PHF21B: variants seen among roughly 807,000 people sequenced by gnomAD.
PHF21B encodes the protein PHD finger protein 4.
A neutral mutation model predicts 62.2 loss-of-function variants in PHF21B; 22 were observed. The ratio of observed to expected loss-of-function variants is 0.35; its 90% CI spans 0.25 to 0.51. The LOEUF is 0.51. PHF21B is among the 20% of genes least tolerant of loss of function. The pLI, the probability that PHF21B is intolerant of heterozygous loss-of-function variation, is 0.97. For missense variants in PHF21B, 701 were observed against 707.9 expected (o/e 0.99, Z 0.11); for synonymous variants, 341 against 314.7 (o/e 1.08, Z -0.88).
At chr22:44,921,491 C>T (rs1302668444) in intron 2 of PHF21B, among the ~76,000 whole-genome samples, 8 of 152,002 alleles carry the variant, frequency 5.3e-5, no homozygotes, top group East Asian at 1.9e-4. Context: ...CTCAGCCTCC[C>T]GAGTAGCTGG....
chr22:45,007,943 G>C (rs1485042597), intron 2 of PHF21B, among the ~76,000 whole-genome samples: 1 of 151,972 alleles, frequency 6.6e-6, no homozygotes, highest in Non-Finnish European at 1.5e-5. Flanking sequence ...CGACGCGTGG[G>C]AGCTTCTCAG....
chr22:44,919,035 C>T (rs1174759173), intron 3 of PHF21B, among the ~76,000 whole-genome samples: 1 of 152,188 alleles, frequency 6.6e-6, no homozygotes, highest in East Asian at 1.9e-4. Context: ...CCGTTTCTCA[C>T]CCTGCACCCT....
intron 2 of PHF21B, chr22:44,966,918 C>A (rs1373913316): frequency 6.6e-6 from 1 of 152,242 alleles, no homozygotes; most frequent in Non-Finnish European, 1.5e-5. Context: ...CTCCCACCCC[C>A]CAGCCTCTCC....
chr22:44,887,047 T>G (rs1043447324), intron 10 of PHF21B, among the ~76,000 whole-genome samples: 8 of 151,290 alleles, frequency 5.3e-5, no homozygotes, highest in African/African-American at 1.5e-4. Context: ...TCCCAGCTAC[T>G]TGGGAGGCTG....
intron 12 of PHF21B, among the ~76,000 whole-genome samples, chr22:44,883,728 A>G (rs1601557093): frequency 6.6e-6 from 1 of 152,202 alleles, no homozygotes; most frequent in African/African-American, 2.4e-5. Context: ...CACCACCGCA[A>G]CAAGGAAAAG....
intron 2 of PHF21B, among the ~76,000 whole-genome samples, chr22:45,005,806 T>C (rs1258219683): frequency 6.6e-6 from 1 of 152,160 alleles, no homozygotes; most frequent in African/African-American, 2.4e-5. Context: ...AGCGTTTCCC[T>C]AAGCGACTCT....
intron 5 of PHF21B, among the ~76,000 whole-genome samples, chr22:44,904,998 CTT>C (rs2071223489): frequency 6.6e-6 from 1 of 152,116 alleles, no homozygotes; most frequent in South Asian, 2.1e-4. Flanking sequence ...TGATTTTTCT[CTT>C]TATCTTTGAC....
chr22:44,992,705 C>T (rs1330498454), intron 2 of PHF21B, among the ~76,000 whole-genome samples: 3 of 152,172 alleles, frequency 2.0e-5, no homozygotes, highest in South Asian at 2.1e-4. Flanking sequence ...GACTGAACAG[C>T]GTGTAAAGCA....
At chr22:44,982,563 C>G (rs886352340) in intron 2 of PHF21B, among the ~76,000 whole-genome samples, 1 of 152,208 alleles carries the variant, frequency 6.6e-6, no homozygotes, top group Non-Finnish European at 1.5e-5. Context: ...TAAGCAAACT[C>G]CCCCATGGGC....
chr22:44,950,040 A>G (rs2072162148), intron 2 of PHF21B, among the ~76,000 whole-genome samples: 1 of 152,206 alleles, frequency 6.6e-6, no homozygotes, highest in Non-Finnish European at 1.5e-5. Context: ...CTGAGTAATG[A>G]AACCAGAAAG....
intron 2 of PHF21B, among the ~76,000 whole-genome samples, chr22:44,990,028 C>T (rs971221664): frequency 3.3e-5 from 5 of 152,236 alleles, no homozygotes; most frequent in Admixed American, 1.3e-4. Context: ...CAACGGGCTC[C>T]GTGAATGCTG....
At chr22:44,887,094 G>A (rs2070873030) in intron 10 of PHF21B, among the ~76,000 whole-genome samples, 1 of 150,500 alleles carries the variant, frequency 6.6e-6, no homozygotes, top group Non-Finnish European at 1.5e-5. Flanking sequence ...AGGCAGAGGT[G>A]GCAGTGAGCT....
intron 2 of PHF21B, among the ~76,000 whole-genome samples, chr22:44,928,547 T>C (rs951735453): frequency 3.3e-5 from 5 of 152,060 alleles, no homozygotes; most frequent in Non-Finnish European, 7.4e-5. Context: ...GTAGCTGGGA[T>C]TACAGGCGCC....
intron 2 of PHF21B, among the ~76,000 whole-genome samples, chr22:45,002,660 C>T (rs2073241221): frequency 1.3e-5 from 2 of 152,252 alleles, no homozygotes; most frequent in Non-Finnish European, 2.9e-5. Flanking sequence ...TTCTGACCTG[C>T]CCTCAGCACC....
intron 2 of PHF21B, among the ~76,000 whole-genome samples, chr22:44,948,609 C>T (rs572464586): frequency 2.7e-5 from 4 of 150,920 alleles, no homozygotes; most frequent in Non-Finnish European, 5.9e-5. Context: ...AAGAATCGCT[C>T]GAACCCGGGA....
intron 4 of PHF21B, 133 bp downstream of exon 4, chr22:44,916,147 G>T: frequency 7.3e-6 from 6 of 822,812 alleles, no homozygotes; most frequent in South Asian, 5.1e-5. Flanking sequence ...TCATTCATTT[G>T]TCCACTTGAT....
At chr22:44,980,496 C>A (rs1196295840) in intron 2 of PHF21B, among the ~76,000 whole-genome samples, 1 of 152,232 alleles carries the variant, frequency 6.6e-6, no homozygotes, top group African/African-American at 2.4e-5. Context: ...CAGGCCACAT[C>A]TCAGGGACAG....
chr22:44,900,346 A>C (rs2071135217), intron 5 of PHF21B, among the ~76,000 whole-genome samples: 1 of 151,934 alleles, frequency 6.6e-6, no homozygotes, highest in Non-Finnish European at 1.5e-5. Flanking sequence ...TGTTGCCCAG[A>C]CTGGAGTGTA....
intron 2 of PHF21B, among the ~76,000 whole-genome samples, chr22:44,973,866 G>A (rs991184110): frequency 6.6e-6 from 1 of 152,208 alleles, no homozygotes; most frequent in Non-Finnish European, 1.5e-5. Context: ...AGACTTCTTG[G>A]AGGAGGTGGT....
Sources: gnomAD v4.1 joint callset for allele counts (sites outside exome capture counted in the v4.1 genomes callset) on GRCh38, gnomAD v4.1.1 for gene constraint, MANE v1.5 for transcripts, NCBI Gene and HGNC (gene_info 2026-07-23, HGNC 2026-07-21) for gene names.